SSUH2: variants seen among roughly 807,000 people sequenced by gnomAD.
The protein encoded by SSUH2 is ssu-2 homolog.
Under a neutral mutation model 55.3 loss-of-function variants are expected in SSUH2, and 47 were observed. The ratio of observed to expected loss-of-function variants is 0.85; its 90% confidence interval spans 0.67 to 1.08. The LOEUF is 1.08. Ranked by LOEUF, SSUH2 falls within the 50% of genes least tolerant of loss-of-function variation. The probability of loss-of-function intolerance (pLI) is 0.00; values close to 1 mark genes in which losing one functional copy is unlikely to be tolerated. For missense variants in SSUH2, 535 were observed against 490.7 expected (o/e 1.09, Z -0.85); for synonymous variants, 212 against 191.5 (o/e 1.11, Z -0.89).
intron 5 of SSUH2, among the ~76,000 whole-genome samples, chr3:8,664,580 C>T (rs894591023): frequency 1.3e-5 from 2 of 152,126 alleles, no homozygotes; most frequent in African/African-American, 4.8e-5. Flanking sequence ...TTGAGAAACT[C>T]GACCATCTCA....
chr3:8,630,403 C>T (rs1698525999), intron 6 of SSUH2, among the ~76,000 whole-genome samples: 1 of 152,204 alleles, frequency 6.6e-6, no homozygotes, highest in Non-Finnish European at 1.5e-5. Flanking sequence ...ATTCTGTTTC[C>T]TTACTGACTC....
chr3:8,625,394 A>G, intron 10 of SSUH2, 148 bp downstream of exon 10: 1 of 573,454 alleles, frequency 1.7e-6, no homozygotes, highest in South Asian at 2.2e-5. Flanking sequence ...CAGGCTCCCC[A>G]CAGCCTTATC....
chr3:8,650,779 C>T (rs1702304269), intron 7 of SSUH2, among the ~76,000 whole-genome samples: 1 of 152,200 alleles, frequency 6.6e-6, no homozygotes, highest in Non-Finnish European at 1.5e-5. Flanking sequence ...AGCTCCTGCT[C>T]CATCCGTGGC....
upstream of SSUH2, among the ~76,000 whole-genome samples, chr3:8,646,544 G>A (rs1251392376): frequency 1.3e-5 from 2 of 152,194 alleles, no homozygotes; most frequent in African/African-American, 2.4e-5. Context: ...TTTTCTGCAC[G>A]CTACTTAGAT....
chr3:8,625,094 T>C (rs1697248519), intron 10 of SSUH2, among the ~76,000 whole-genome samples: 1 of 151,944 alleles, frequency 6.6e-6, no homozygotes, highest in African/African-American at 2.4e-5. Context: ...TCCATCATAG[T>C]CCCCTCACCA....
chr3:8,652,894 T>C (rs1458846282), intron 7 of SSUH2, among the ~76,000 whole-genome samples: 1 of 152,190 alleles, frequency 6.6e-6, no homozygotes, highest in Non-Finnish European at 1.5e-5. Flanking sequence ...TTTTGGAATA[T>C]AAGCATGTGA....
chr3:8,621,707 A>G (rs1239213407), intron 11 of SSUH2, among the ~76,000 whole-genome samples: 1 of 152,194 alleles, frequency 6.6e-6, no homozygotes, highest in Admixed American at 6.5e-5. Context: ...AGTTTTCTTC[A>G]TATGCCAGAA....
chr3:8,680,436 G>T (rs1705865747), intron 1 of SSUH2, among the ~76,000 whole-genome samples: 1 of 152,044 alleles, frequency 6.6e-6, no homozygotes, highest in African/African-American at 2.4e-5. Flanking sequence ...TACACCCTCG[G>T]TGTACAGAGG....
At chr3:8,663,537 G>A (rs376731485) in intron 6 of SSUH2, among the ~76,000 whole-genome samples, 1 of 152,172 alleles carries the variant, frequency 6.6e-6, no homozygotes, top group African/African-American at 2.4e-5. Flanking sequence ...GTTGGCAGTC[G>A]GGGTCAGGTG....
At chr3:8,675,122 T>C (rs1015535824) in intron 3 of SSUH2, among the ~76,000 whole-genome samples, 49 of 152,290 alleles carry the variant, frequency 3.2e-4, no homozygotes, top group African/African-American at 1.2e-3. Flanking sequence ...ACACTGACTT[T>C]ACATCCAACA....
chr3:8,648,271 G>A (rs1421535760), upstream of SSUH2, among the ~76,000 whole-genome samples: 1 of 152,218 alleles, frequency 6.6e-6, no homozygotes, highest in African/African-American at 2.4e-5. Context: ...AGAGCAAGTT[G>A]GCACCAAGGC....
chr3:8,678,500 AC>A (rs1412249469), intron 2 of SSUH2, among the ~76,000 whole-genome samples: 1 of 129,640 alleles, frequency 7.7e-6, no homozygotes, highest in South Asian at 2.9e-4. Flanking sequence ...GGGGTGAGGC[AC>A]CCCCCGCGAG....
intron 5 of SSUH2, among the ~76,000 whole-genome samples, 195 bp downstream of exon 5, chr3:8,631,854 C>T (rs1487337001): frequency 6.6e-6 from 1 of 151,924 alleles, no homozygotes; most frequent in East Asian, 1.9e-4. Context: ...GGGCAGGAAG[C>T]ATTTCCTAAG....
chr3:8,673,559 GCT>G (rs1559544768), intron 3 of SSUH2, among the ~76,000 whole-genome samples: 1 of 152,072 alleles, frequency 6.6e-6, no homozygotes, highest in Non-Finnish European at 1.5e-5. Flanking sequence ...TAATTGATTT[GCT>G]CCAGACTGTT....
At chr3:8,638,762 C>T (rs1051771118) in intron 1 of SSUH2, among the ~76,000 whole-genome samples, 8 of 152,216 alleles carry the variant, frequency 5.3e-5, no homozygotes, top group African/African-American at 1.9e-4. Context: ...TCTTTGTGCT[C>T]ATTTAAGCCA....
chr3:8,642,182 A>G (rs1335698427), intron 1 of SSUH2, among the ~76,000 whole-genome samples: 1 of 152,240 alleles, frequency 6.6e-6, no homozygotes, highest in African/African-American at 2.4e-5. Context: ...TCTGCAATCA[A>G]AGAAGTAAGT....
chr3:8,628,684 G>T (rs1034370767), intron 7 of SSUH2, among the ~76,000 whole-genome samples: 1 of 152,230 alleles, frequency 6.6e-6, no homozygotes, highest in Non-Finnish European at 1.5e-5. Flanking sequence ...AAGTGGCACA[G>T]TCACAAGCCA....
At chr3:8,676,392 A>G (rs1281962572) in intron 3 of SSUH2, among the ~76,000 whole-genome samples, 1 of 151,454 alleles carries the variant, frequency 6.6e-6, no homozygotes, top group African/African-American at 2.4e-5. Flanking sequence ...ACCTTCTGTC[A>G]TATTGAAAGT....
intron 2 of SSUH2, 21 bp downstream of exon 2, chr3:8,635,737 AC>A: frequency 6.5e-7 from 1 of 1,529,644 alleles, no homozygotes; most frequent in Non-Finnish European, 8.8e-7. Flanking sequence ...AGCCCAAAGA[AC>A]CAAGCCCTCT....
Sources: allele counts gnomAD v4.1 joint callset (sites outside exome capture counted in the v4.1 genomes callset), GRCh38; gene constraint gnomAD v4.1.1; transcripts MANE v1.5; gene names NCBI Gene and HGNC (gene_info 2026-07-23, HGNC 2026-07-21).